CFDP1: variants seen among roughly 807,000 people sequenced by gnomAD.
The protein encoded by CFDP1 is heterochromatin-stabilizing protein CFDP1.
CFDP1 carries 31 observed loss-of-function variants against 40.1 expected under a neutral mutation model. The ratio of observed to expected loss-of-function variants is 0.77; its 90% CI spans 0.58 to 1.04. The LOEUF (loss-of-function observed/expected upper bound fraction) is 1.04, where lower values mean the gene tolerates loss of function less well. CFDP1 is among the 50% of genes least tolerant of loss of function. The pLI, the probability that CFDP1 is intolerant of heterozygous loss-of-function variation, is 0.00. For synonymous variants in CFDP1, 167 were observed against 120.0 expected (o/e 1.39, Z -2.56); for missense variants, 423 against 343.4 (o/e 1.23, Z -1.83).
intron 5 of CFDP1, among the ~76,000 whole-genome samples, chr16:75,323,964 C>T (rs1250223966): frequency 6.6e-6 from 1 of 152,054 alleles, no homozygotes; most frequent in Non-Finnish European, 1.5e-5. Context: ...AAGTAAGTAA[C>T]CAATTAGTAA....
At chr16:75,369,785 C>T (rs2078739105) in intron 5 of CFDP1, among the ~76,000 whole-genome samples, 1 of 152,182 alleles carries the variant, frequency 6.6e-6, no homozygotes, top group Non-Finnish European at 1.5e-5. Context: ...CAGAGTCTCA[C>T]TGTGTCACCC....
Position 75,333,165 on chromosome 16 carries a change from C to G in CFDP1, c.651-27983G>C, listed in dbSNP as rs372711793. Among the ~76,000 whole-genome samples, 207 of 148,078 alleles carry G rather than the reference C, an allele frequency of 1.4e-3. 2 individuals carry two copies. The highest frequency in any genetic ancestry group is 4.9e-3 in the African/African-American group (196 of 39,988). ...TTGAGATGGAGTCTCGCTCTGTCGC[C>G]CAGGCTGGAGTGCAGTGGCGCGATC... On this transcript the variant is annotated intron_variant, in intron 5 of 6. Coordinates refer to ENST00000283882, the MANE Select transcript of CFDP1 (RefSeq NM_006324.3).
intron 5 of CFDP1, among the ~76,000 whole-genome samples, chr16:75,379,119 C>A (rs1197912503): frequency 6.6e-6 from 1 of 151,368 alleles, no homozygotes; most frequent in Non-Finnish European, 1.5e-5. Context: ...GTAAGAAATA[C>A]ATACAGTGTA....
At chr16:75,423,224 T>C (rs111733363) in intron 1 of CFDP1, among the ~76,000 whole-genome samples, 2 of 143,272 alleles carry the variant, frequency 1.4e-5, no homozygotes, top group Non-Finnish European at 3.0e-5. Context: ...GGGCTGGCAG[T>C]GAACCGAGAT....
intron 5 of CFDP1, among the ~76,000 whole-genome samples, chr16:75,389,596 T>A (rs1483075491): frequency 1.3e-5 from 2 of 152,198 alleles, no homozygotes; most frequent in African/African-American, 4.8e-5. Flanking sequence ...CTTAAATCTG[T>A]TTAGAGAGAG....
At chr16:75,307,210 AT>A (rs903098284) in intron 5 of CFDP1, among the ~76,000 whole-genome samples, 17 of 151,496 alleles carry the variant, frequency 1.1e-4, no homozygotes, top group Admixed American at 2.6e-4. Context: ...ACCCCTTTTT[AT>A]TTTTATTTAT....
At chr16:75,386,292 T>C (rs2078897340) in intron 5 of CFDP1, among the ~76,000 whole-genome samples, 1 of 152,206 alleles carries the variant, frequency 6.6e-6, no homozygotes, top group Non-Finnish European at 1.5e-5. Flanking sequence ...CTAAGAACAC[T>C]AGAATTTATT....
intron 6 of CFDP1, among the ~76,000 whole-genome samples, chr16:75,302,596 C>T (rs1210975646): frequency 6.6e-6 from 1 of 152,236 alleles, no homozygotes; most frequent in Non-Finnish European, 1.5e-5. Flanking sequence ...AGAGTGAACA[C>T]TGTCCAACTC....
chr16:75,326,823 G>C (rs536182790), intron 5 of CFDP1, among the ~76,000 whole-genome samples: 1 of 152,316 alleles, frequency 6.6e-6, no homozygotes, highest in East Asian at 1.9e-4. Flanking sequence ...TCACAATTCT[G>C]AAGGGAAAGC....
At position 75,343,080 on chromosome 16, in the gene CFDP1, G is replaced by A. The variant is rs540041730; in HGVS notation, c.651-37898C>T. Reference sequence around the variant, plus strand: ...AGAAAACAACTAGATTTAAGGTCAGGACTATTAGTGAACAAACCCCATAGG... The same window carrying A: ...AGAAAACAACTAGATTTAAGGTCAGAACTATTAGTGAACAAACCCCATAGG... On this transcript the variant is annotated intron_variant, in intron 5 of 6. Transcript: ENST00000283882. Among the ~76,000 whole-genome samples, 5 of 152,200 alleles carry A rather than the reference G, an allele frequency of 3.3e-5. No individual in the cohort carries two copies. The East Asian group carries it at 9.6e-4, about 29-fold the overall frequency.
At chr16:75,422,326 A>G (rs892711458) in intron 1 of CFDP1, among the ~76,000 whole-genome samples, 6 of 149,248 alleles carry the variant, frequency 4.0e-5, no homozygotes, top group African/African-American at 1.2e-4. Context: ...CGATCTCTTG[A>G]CCTCGTGATC....
chr16:75,431,227 A>T (rs1380240912), intron 1 of CFDP1, among the ~76,000 whole-genome samples: 1 of 151,924 alleles, frequency 6.6e-6, no homozygotes, highest in African/African-American at 2.4e-5. Context: ...CGAGGCGGGC[A>T]GACCATTTGA....
intron 1 of CFDP1, among the ~76,000 whole-genome samples, chr16:75,415,587 C>T (rs1262505675): frequency 2.0e-5 from 3 of 152,162 alleles, no homozygotes; most frequent in African/African-American, 4.8e-5. Context: ...GTTAGTTTTG[C>T]CTGCTTTTCA....
At chr16:75,362,181 C>T (rs542005416) in intron 5 of CFDP1, among the ~76,000 whole-genome samples, 15 of 152,180 alleles carry the variant, frequency 9.9e-5, no homozygotes, top group South Asian at 4.1e-4. Context: ...CATGTCTGCC[C>T]TACAGGCTTC....
chr16:75,391,978 AAAAT>A (rs564296837), intron 5 of CFDP1, among the ~76,000 whole-genome samples: 3 of 152,000 alleles, frequency 2.0e-5, no homozygotes, highest in African/African-American at 7.2e-5. Flanking sequence ...AAAAAAATAA[AAAAT>A]AAATAAATAA....
chr16:75,408,910 T>G (rs1409604964), intron 4 of CFDP1, among the ~76,000 whole-genome samples: 7 of 151,974 alleles, frequency 4.6e-5, no homozygotes, highest in Non-Finnish European at 7.4e-5. Flanking sequence ...CAGGCTGGAG[T>G]GCAGTGGTAC....
At chr16:75,426,958 G>A (rs1414740550) in intron 1 of CFDP1, among the ~76,000 whole-genome samples, 3 of 151,776 alleles carry the variant, frequency 2.0e-5, no homozygotes, top group Non-Finnish European at 4.4e-5. Context: ...GGGAGGCTGA[G>A]GCAGGAGAAT....
rs1043714936 is a variant in CFDP1 at position 75,320,981 on chromosome 16, T to A, written c.651-15799A>T. Among the ~76,000 whole-genome samples, 3 of 149,756 alleles carry A rather than the reference T, an allele frequency of 2.0e-5. No homozygotes were observed. The Admixed American group carries it at 2.0e-4, about 10-fold the overall frequency. On this transcript the variant is annotated intron_variant, in intron 5 of 6. Transcript: ENST00000283882. ...TACTATTTCTTATTCTCAGCTAGTA[T>A]TTTTTTTTTAAGAGATGGGATCTTG... is the stretch of plus-strand genomic sequence containing the variant.
intron 1 of CFDP1, among the ~76,000 whole-genome samples, chr16:75,420,446 A>G (rs560279467): frequency 3.9e-5 from 6 of 152,244 alleles, no homozygotes; most frequent in Non-Finnish European, 8.8e-5. Context: ...ATGAGGGAAT[A>G]ACCAGACAAA....
Sources: gnomAD v4.1 joint callset for allele counts (sites outside exome capture counted in the v4.1 genomes callset) on GRCh38, gnomAD v4.1.1 for gene constraint, MANE v1.5 for transcripts, NCBI Gene and HGNC (gene_info 2026-07-23, HGNC 2026-07-21) for gene names.